The following KCNJ10 variants were observed in gnomAD, a reference collection of about 807,000 sequenced individuals.
KCNJ10 encodes ATP-sensitive inward rectifier potassium channel 10.
In KCNJ10, 9 loss-of-function variants were observed where a neutral mutation model predicts 22.2. That is an observed-to-expected ratio of 0.40 (90% confidence interval 0.24 to 0.71). KCNJ10 has a LOEUF of 0.71. KCNJ10 is among the 30% of genes least tolerant of loss of function. The probability of loss-of-function intolerance (pLI) is 0.35; values close to 1 mark genes in which losing one functional copy is unlikely to be tolerated. For synonymous variants in KCNJ10, 184 were observed against 187.3 expected, an observed-to-expected ratio of 0.98 and a Z score of 0.15; for missense variants, 337 against 482.7, an observed-to-expected ratio of 0.70 and a Z score of 2.83.
In KCNJ10 at chr1:160,048,364, C is replaced by A. The variant is rs143746288; in HGVS notation, c.1-5832G>T. ...TTTTCAGAAGGTAAGAAAATAAAAG[C>A]CCAAGATATCAGTCCCTGCTCCTTC... On this transcript the variant is annotated intron_variant, in intron 1 of 1. Coordinates refer to ENST00000644903, the MANE Select transcript of KCNJ10 (RefSeq NM_002241.5). 1.7e-4 allele frequency among the ~76,000 whole-genome samples: 24 copies of A among 137,668 alleles called. No homozygotes were observed. The East Asian group carries it at 5.6e-3, about 32-fold the overall frequency. The allele number at this position is 137,668 out of a possible 152,430, so 90.3% of individuals were successfully genotyped here.
intron 1 of KCNJ10, among the ~76,000 whole-genome samples, chr1:160,066,404 A>T (rs1247398989): frequency 6.6e-6 from 1 of 152,174 alleles, no homozygotes; most frequent in Non-Finnish European, 1.5e-5. Flanking sequence ...AAAACAAAAC[A>T]AAGCAAAACC....
In KCNJ10 at chr1:160,042,132, C is replaced by T. The variant is rs368857205; in HGVS notation, c.401G>A (p.Arg134His). The change falls in exon 2 of 2, where the codon CGC (arginine) becomes CAC (histidine). Residue 134 changes from arginine (R) to histidine (H), a missense_variant. Physicochemically the swap from Arg to His is conservative, Grantham distance 29. Coordinates refer to ENST00000644903, the MANE Select transcript of KCNJ10 (RefSeq NM_002241.5). Reference sequence around the variant, plus strand: ...CAGTGGACATTCCTCACTGATGTAGCGGAAGCCATAGCCAATGGTGGTTTG... The same window carrying T: ...CAGTGGACATTCCTCACTGATGTAGTGGAAGCCATAGCCAATGGTGGTTTG... ...ESQTTIGYGFRYISEECPLAI... is the reference protein window; with the variant it reads ...ESQTTIGYGFHYISEECPLAI... 12 of 1,572,518 alleles carry T rather than the reference C, an allele frequency of 7.6e-6. No homozygotes were observed. Among genetic ancestry groups the T allele is most frequent in the Non-Finnish European group, 9.5e-6 (11 of 1,157,842 alleles).
At chr1:160,052,024 C>T (rs1648916469) in intron 1 of KCNJ10, among the ~76,000 whole-genome samples, 2 of 152,116 alleles carry the variant, frequency 1.3e-5, no homozygotes, top group Non-Finnish European at 2.9e-5. Context: ...CCTTCAAATT[C>T]TTTACCACAC....
intron 1 of KCNJ10, among the ~76,000 whole-genome samples, chr1:160,051,068 C>T (rs930331939): frequency 2.6e-5 from 4 of 152,082 alleles, no homozygotes; most frequent in African/African-American, 4.8e-5. Flanking sequence ...CTCAGCCTCC[C>T]GAGTAGCTGG....
At chr1:160,067,307 C>G (rs79809271) in intron 1 of KCNJ10, among the ~76,000 whole-genome samples, 2 of 152,278 alleles carry the variant, frequency 1.3e-5, no homozygotes, top group Non-Finnish European at 2.9e-5. Context: ...CAGATGCACT[C>G]TCTCCCTAAA....
intron 1 of KCNJ10, chr1:160,067,957 G>A (rs1649360135): frequency 1.3e-5 from 2 of 152,124 alleles, no homozygotes; most frequent in African/African-American, 4.8e-5. Context: ...GAAGGTCAAG[G>A]GAAGGAAGGT....
At chr1:160,062,552 G>C (rs1256257381) in intron 1 of KCNJ10, 1 of 152,198 alleles carries the variant, frequency 6.6e-6, no homozygotes, top group Non-Finnish European at 1.5e-5. Flanking sequence ...CAGGAGACAG[G>C]GGAGGAGACT....
intron 1 of KCNJ10, among the ~76,000 whole-genome samples, chr1:160,044,405 A>G (rs561442227): frequency 6.2e-4 from 94 of 152,348 alleles, no homozygotes; most frequent in African/African-American, 2.2e-3. Context: ...CTGTATCTAT[A>G]TACCATTTTA....
intron 1 of KCNJ10, among the ~76,000 whole-genome samples, chr1:160,066,881 A>G (rs569673532): frequency 6.6e-6 from 1 of 152,296 alleles, no homozygotes; most frequent in African/African-American, 2.4e-5. Flanking sequence ...TTTTTGGTCC[A>G]GAAAGTGGTC....
chr1:160,067,338 G>A (rs991561756), intron 1 of KCNJ10, among the ~76,000 whole-genome samples: 1 of 152,174 alleles, frequency 6.6e-6, no homozygotes, highest in African/African-American at 2.4e-5. Flanking sequence ...AAACATGTAG[G>A]CTAAACTCAA....
intron 1 of KCNJ10, among the ~76,000 whole-genome samples, chr1:160,043,316 A>ACACACACCC (rs1557968547): frequency 2.8e-5 from 4 of 142,490 alleles, no homozygotes; most frequent in East Asian, 4.0e-4. Context: ...CACACACACA[A>ACACACACCC]CCTTAATTTC....
At chr1:160,069,341 C>G (rs1197981620) in intron 1 of KCNJ10, among the ~76,000 whole-genome samples, 1 of 152,186 alleles carries the variant, frequency 6.6e-6, no homozygotes, top group Non-Finnish European at 1.5e-5. Context: ...GTTTATAGAA[C>G]CCAATCTGCC....
At chr1:160,045,213 G>A (rs543201633) in intron 1 of KCNJ10, among the ~76,000 whole-genome samples, 1 of 152,248 alleles carries the variant, frequency 6.6e-6, no homozygotes, top group South Asian at 2.1e-4. Context: ...CTGGTGAGGG[G>A]ACCATGATAG....
At chr1:160,051,664 G>A (rs1648908105) in intron 1 of KCNJ10, among the ~76,000 whole-genome samples, 1 of 151,646 alleles carries the variant, frequency 6.6e-6, no homozygotes, top group African/African-American at 2.4e-5. Context: ...CAGCAGTGAT[G>A]CCCAGGATGT....
intron 1 of KCNJ10, among the ~76,000 whole-genome samples, chr1:160,052,499 G>A (rs1648928534): frequency 6.6e-6 from 1 of 152,162 alleles, no homozygotes; most frequent in South Asian, 2.1e-4. Context: ...CAGTAGAGGG[G>A]TTTTGAGCAC....
chr1:160,067,667 G>A lies in KCNJ10; in HGVS notation c.-1+2355C>T, dbSNP rs59552210. Reference sequence around the variant, plus strand: ...GGGAGAGTGGAGGTTTTTTTCTTCCGTCCTAAATAACCTGTGGCTGGAAAG... The same window carrying A: ...GGGAGAGTGGAGGTTTTTTTCTTCCATCCTAAATAACCTGTGGCTGGAAAG... On this transcript the variant is annotated intron_variant, in intron 1 of 1. Coordinates refer to ENST00000644903, the MANE Select transcript of KCNJ10 (RefSeq NM_002241.5). Among the ~76,000 whole-genome samples, 129 of 152,108 alleles carry A rather than the reference G, an allele frequency of 8.5e-4. 4 individuals are homozygous for A. The East Asian group carries it at 0.019, about 22-fold the overall frequency.
chr1:160,066,670 C>T (rs1244905763), intron 1 of KCNJ10, among the ~76,000 whole-genome samples: 1 of 152,128 alleles, frequency 6.6e-6, no homozygotes, highest in East Asian at 1.9e-4. Flanking sequence ...ATGCTCTTAA[C>T]CATAGTGCCT....
intron 1 of KCNJ10, among the ~76,000 whole-genome samples, chr1:160,048,326 T>C (rs2101927855): frequency 6.6e-6 from 1 of 152,338 alleles, no homozygotes; most frequent in East Asian, 1.9e-4. Flanking sequence ...ATGCTGCAGA[T>C]GCCTACACCC....
intron 1 of KCNJ10, among the ~76,000 whole-genome samples, chr1:160,046,714 C>T (rs909621278): frequency 2.6e-5 from 4 of 152,140 alleles, no homozygotes; most frequent in African/African-American, 9.7e-5. Flanking sequence ...CTGCGGTGGC[C>T]AGAGTCAGAA....
Sources: gnomAD v4.1 joint callset for allele counts (sites outside exome capture counted in the v4.1 genomes callset) on GRCh38, gnomAD v4.1.1 for gene constraint, MANE v1.5 for transcripts, NCBI Gene and HGNC (gene_info 2026-07-23, HGNC 2026-07-21) for gene names.